The following SLC39A11 variants were observed in gnomAD, a reference collection of about 807,000 sequenced individuals.
The protein encoded by SLC39A11 is zinc transporter ZIP11.
Under a neutral mutation model 36.1 loss-of-function variants are expected in SLC39A11, and 33 were observed. The ratio of observed to expected loss-of-function variants is 0.91; its 90% confidence interval spans 0.69 to 1.22. The LOEUF (loss-of-function observed/expected upper bound fraction) is 1.22. Ranked by LOEUF, SLC39A11 falls within the 50% of genes most tolerant of loss-of-function variation. The pLI, the probability that SLC39A11 is intolerant of heterozygous loss-of-function variation, is 0.00. For synonymous variants in SLC39A11, 166 were observed against 170.3 expected (o/e 0.97, Z 0.20); for missense variants, 432 against 430.3 (o/e 1.00, Z -0.03).
In SLC39A11 at chr17:72,743,730, G is replaced by A. The variant is rs1407750547; in HGVS notation, c.602-7011C>T. On this transcript the variant is annotated intron_variant, in intron 6 of 9. Transcript: ENST00000255559. The stretch of plus-strand genomic sequence containing the variant: ...AGGCCGACACTGAAGATCAACAGAC[G>A]GTAGAAAGAACTCACTGGGGGGAAA... 3.4e-4 allele frequency among the ~76,000 whole-genome samples: 52 copies of A among 152,098 alleles called. 1 individual carries two copies. Among genetic ancestry groups the A allele is most frequent in the Admixed American group, 3.4e-3 (52 of 15,274 alleles).
At chr17:72,890,739 T>C (rs1224035138) in intron 5 of SLC39A11, among the ~76,000 whole-genome samples, 1 of 152,096 alleles carries the variant, frequency 6.6e-6, no homozygotes, top group African/African-American at 2.4e-5. Context: ...GCCCCTAAAT[T>C]CTAAGTAGAA....
At chr17:72,924,573 C>T (rs2083918821) in intron 5 of SLC39A11, among the ~76,000 whole-genome samples, 1 of 152,118 alleles carries the variant, frequency 6.6e-6, no homozygotes, top group African/African-American at 2.4e-5. Context: ...CAACTTTTGG[C>T]ACCCCAAATT....
At chr17:72,729,425 A>G (rs1274388685) in intron 7 of SLC39A11, among the ~76,000 whole-genome samples, 1 of 2,872 alleles carries the variant, frequency 3.5e-4, no homozygotes, top group African/African-American at 6.2e-4. Flanking sequence ...ATATATATAT[A>G]TATATATATA....
intron 7 of SLC39A11, among the ~76,000 whole-genome samples, chr17:72,678,865 G>A (rs1289183418): frequency 6.6e-6 from 1 of 152,110 alleles, no homozygotes. Flanking sequence ...AAGACAGGGA[G>A]TCAACCTGTG....
At chr17:73,051,717 G>A (rs570232107) in intron 3 of SLC39A11, among the ~76,000 whole-genome samples, 118 of 147,882 alleles carry the variant, frequency 8.0e-4, no homozygotes, top group Non-Finnish European at 1.5e-3. Flanking sequence ...AATTAGCCAG[G>A]TGTGGTGGCA....
intron 7 of SLC39A11, among the ~76,000 whole-genome samples, chr17:72,699,076 G>A (rs527652661): frequency 1.6e-4 from 25 of 152,156 alleles, no homozygotes; most frequent in East Asian, 1.2e-3. Context: ...TGATCTGCCC[G>A]CCTTGGCCTC....
chr17:72,879,084 G>T (rs1276746301), intron 5 of SLC39A11, among the ~76,000 whole-genome samples: 1 of 152,242 alleles, frequency 6.6e-6, no homozygotes, highest in African/African-American at 2.4e-5. Context: ...AGGTTATATA[G>T]GAAGGGGGCG....
At chr17:73,073,708 A>T (rs138695829) in intron 3 of SLC39A11, 90 of 152,238 alleles carry the variant, frequency 5.9e-4, no homozygotes, top group African/African-American at 2.0e-3. Context: ...AGGCCTAGGA[A>T]GTCAGGCCTG....
chr17:72,863,627 C>T (rs2080153348), intron 5 of SLC39A11, among the ~76,000 whole-genome samples: 1 of 152,214 alleles, frequency 6.6e-6, no homozygotes, highest in Non-Finnish European at 1.5e-5. Flanking sequence ...TCACTGACAT[C>T]TGTCCCTTAT....
intron 4 of SLC39A11, among the ~76,000 whole-genome samples, chr17:73,008,339 A>G (rs759873923): frequency 3.3e-5 from 5 of 152,104 alleles, no homozygotes; most frequent in Non-Finnish European, 5.9e-5. Flanking sequence ...TTTCCTCTGT[A>G]GCCTTGCAGA....
chr17:72,914,644 G>A (rs950451010), intron 5 of SLC39A11, among the ~76,000 whole-genome samples: 2 of 152,136 alleles, frequency 1.3e-5, no homozygotes, highest in Non-Finnish European at 1.5e-5. Context: ...ACTTTGGGAG[G>A]TCGAGGTGGG....
intron 4 of SLC39A11, among the ~76,000 whole-genome samples, chr17:73,007,981 T>C (rs1158612917): frequency 1.3e-5 from 2 of 152,170 alleles, no homozygotes; most frequent in East Asian, 3.9e-4. Flanking sequence ...CGTGAGCCTG[T>C]AGTCCCAGCT....
At chr17:73,038,148 C>T (rs1023913399) in intron 3 of SLC39A11, among the ~76,000 whole-genome samples, 1 of 151,828 alleles carries the variant, frequency 6.6e-6, no homozygotes, top group African/African-American at 2.4e-5. Context: ...CACTTCAACC[C>T]GGGAGGCGGA....
intron 5 of SLC39A11, among the ~76,000 whole-genome samples, chr17:72,909,234 T>A (rs1403988040): frequency 6.6e-5 from 10 of 152,188 alleles, no homozygotes; most frequent in Non-Finnish European, 1.5e-4. Context: ...CCTCCCAAAG[T>A]GTTGAGATTA....
intron 5 of SLC39A11, among the ~76,000 whole-genome samples, chr17:72,883,762 T>C (rs1490627454): frequency 6.6e-6 from 1 of 152,154 alleles, no homozygotes; most frequent in Non-Finnish European, 1.5e-5. Flanking sequence ...TCCCTCCTTA[T>C]TGTGGAGGGA....
At chr17:72,708,851 G>A (rs146234538) in intron 7 of SLC39A11, among the ~76,000 whole-genome samples, 444 of 152,252 alleles carry the variant, frequency 2.9e-3, no homozygotes, top group Admixed American at 4.6e-3. Context: ...TTTTGCTTCT[G>A]CGGCAGCACA....
chr17:73,026,517 CAAA>C (rs548390962), intron 4 of SLC39A11, among the ~76,000 whole-genome samples: 48 of 75,548 alleles, frequency 6.4e-4, no homozygotes, highest in African/African-American at 1.3e-3. Context: ...GAAACTACAT[CAAA>C]AAAAAAAAAA....
At chr17:72,711,158 TA>T (rs964253050) in intron 7 of SLC39A11, among the ~76,000 whole-genome samples, 4 of 152,204 alleles carry the variant, frequency 2.6e-5, no homozygotes, top group Non-Finnish European at 5.9e-5. Context: ...CCTGGTTGCC[TA>T]AGGCAGGCTC....
At chr17:72,908,270 G>T (rs1030286084) in intron 5 of SLC39A11, among the ~76,000 whole-genome samples, 1 of 152,182 alleles carries the variant, frequency 6.6e-6, no homozygotes, top group African/African-American at 2.4e-5. Flanking sequence ...GAGGCTGGGG[G>T]CCTCCACTTT....
Sources: allele counts gnomAD v4.1 joint callset (sites outside exome capture counted in the v4.1 genomes callset), GRCh38; gene constraint gnomAD v4.1.1; transcripts MANE v1.5; gene names NCBI Gene and HGNC (gene_info 2026-07-23, HGNC 2026-07-21).